DOCK8: variants seen among roughly 807,000 people sequenced by gnomAD.
DOCK8 encodes the protein dedicator of cytokinesis protein 8.
Under a neutral mutation model 245.6 loss-of-function variants are expected in DOCK8, and 141 were observed. The ratio of observed to expected loss-of-function variants is 0.57; its 90% CI spans 0.50 to 0.66. DOCK8 has a LOEUF of 0.66. Ranked by LOEUF, DOCK8 falls within the 30% of genes least tolerant of loss-of-function variation. The probability of loss-of-function intolerance (pLI) is 0.00; values close to 1 mark genes in which losing one functional copy is unlikely to be tolerated. For synonymous variants in DOCK8, 1,168 were observed against 970.2 expected, an observed-to-expected ratio of 1.20 and a Z score of -3.79; for missense variants, 2,965 against 2,603.4, an observed-to-expected ratio of 1.14 and a Z score of -3.02.
intron 14 of DOCK8, among the ~76,000 whole-genome samples, chr9:341,055 T>A (rs1051483921): frequency 3.3e-5 from 5 of 152,234 alleles, no homozygotes; most frequent in African/African-American, 1.2e-4. Context: ...TAGCACACAT[T>A]CCAATAGCAT....
rs989206372 is a variant in DOCK8, at chr9:231,069, A to C, written c.53+16040A>C. ...TTAAGTCTTTAATCCATCTTGAATT[A>C]CTTTTTGTATAAGGTGTAAGGAAGG... On this transcript the variant is annotated intron_variant, in intron 1 of 47. Transcript: ENST00000432829. 2.4e-3 allele frequency among the ~76,000 whole-genome samples: 366 copies of C among 152,202 alleles called. 2 individuals carry two copies. Among genetic ancestry groups the C allele is most frequent in the African/African-American group, 8.3e-3 (344 of 41,514 alleles).
intron 19 of DOCK8, 85 bp from the exon 20 acceptor site, chr9:376,891 TA>T: frequency 8.3e-7 from 1 of 1,205,482 alleles, no homozygotes; most frequent in South Asian, 1.3e-5. Flanking sequence ...GTTCTACCCA[TA>T]AAGAGCTATT....
At chr9:307,513 C>G (rs563089926) in intron 5 of DOCK8, among the ~76,000 whole-genome samples, 2 of 151,994 alleles carry the variant, frequency 1.3e-5, no homozygotes, top group African/African-American at 2.4e-5. Flanking sequence ...CATGCGCCAC[C>G]ACGCCTGGCC....
At chr9:435,285 A>T (rs573665917) in intron 39 of DOCK8, among the ~76,000 whole-genome samples, 5 of 151,462 alleles carry the variant, frequency 3.3e-5, no homozygotes, top group South Asian at 2.1e-4. Flanking sequence ...GGTTTTTTTT[A>T]AATTACTGTT....
At chr9:352,336 C>A (rs897796191) in intron 14 of DOCK8, among the ~76,000 whole-genome samples, 7 of 152,014 alleles carry the variant, frequency 4.6e-5, no homozygotes, top group Non-Finnish European at 7.4e-5. Context: ...ACAAAAGAGC[C>A]CAGAGAGAAT....
At chr9:344,237 T>C (rs190425288) in intron 14 of DOCK8, among the ~76,000 whole-genome samples, 1 of 152,346 alleles carries the variant, frequency 6.6e-6, no homozygotes, top group Non-Finnish European at 1.5e-5. Context: ...TTCTTCTCTG[T>C]GGCTCTCAGG....
rs199608962 is a variant in DOCK8, at chr9:356,378, A to C, written c.1680-11640A>C. On this transcript the variant is annotated intron_variant, in intron 14 of 47. Coordinates refer to ENST00000432829, the MANE Select transcript of DOCK8 (RefSeq NM_203447.4). Reference sequence around the variant, plus strand: ...CCCGTCTCTACTAAAAATACAAAAAAAACTAGCCAGGCGTGGTAGCAGGCG... The same window carrying C: ...CCCGTCTCTACTAAAAATACAAAAACAACTAGCCAGGCGTGGTAGCAGGCG... Among the ~76,000 whole-genome samples, 13 of 152,190 alleles carry C rather than the reference A, an allele frequency of 8.5e-5. No homozygotes were observed. The East Asian group carries it at 1.7e-3, about 20-fold the overall frequency.
rs1339010546 is a variant in DOCK8, at chr9:379,805, G to A, written c.2475G>A (p.Val825=). The A allele has an allele frequency of 6.2e-7, 1 of 1,614,188 alleles. No homozygotes were observed. Among genetic ancestry groups the A allele is most frequent in the East Asian group, 2.2e-5 (1 of 44,878 alleles). The change falls in exon 21 of 48, where the codon GTG becomes GTA. Residue 825 remains valine (V), a synonymous_variant. Transcript: ENST00000432829. ...CCCAGTTTGCCTTCGAGTCCGTGGT[G>A]GCCATCGCCAACAGTCTGCACAACA... The part of the protein sequence containing the change: ...NFSQFAFESV[V]AIANSLHNSK...
intron 1 of DOCK8, among the ~76,000 whole-genome samples, chr9:224,779 C>A (rs575730594): frequency 4.6e-5 from 7 of 152,158 alleles, no homozygotes; most frequent in Admixed American, 4.6e-4. Flanking sequence ...AGTCATCATA[C>A]GGCATTTATA....
intron 14 of DOCK8, among the ~76,000 whole-genome samples, chr9:361,553 T>C (rs2052731327): frequency 6.6e-6 from 1 of 152,186 alleles, no homozygotes; most frequent in South Asian, 2.1e-4. Flanking sequence ...TTGTAGAGCA[T>C]TTTGCAATTT....
intron 36 of DOCK8, among the ~76,000 whole-genome samples, chr9:431,868 T>C (rs577840932): frequency 6.6e-5 from 10 of 152,308 alleles, no homozygotes; most frequent in Admixed American, 6.5e-5. Context: ...ACTGTATTCT[T>C]GGACCCAACT....
At chr9:377,324 G>A in intron 20 of DOCK8, 113 bp downstream of exon 20, 1 of 1,078,410 alleles carries the variant, frequency 9.3e-7, no homozygotes, top group Non-Finnish European at 1.3e-6. Context: ...CCTTTCCACT[G>A]ATGATGTGTG....
intron 28 of DOCK8, among the ~76,000 whole-genome samples, chr9:411,906 C>G (rs1206831645): frequency 2.6e-5 from 4 of 152,148 alleles, no homozygotes; most frequent in Non-Finnish European, 4.4e-5. Flanking sequence ...TAAAAACACT[C>G]AACAAACCTT....
At chr9:264,754 A>G (rs2047998183) in intron 1 of DOCK8, among the ~76,000 whole-genome samples, 1 of 152,218 alleles carries the variant, frequency 6.6e-6, no homozygotes, top group Non-Finnish European at 1.5e-5. Context: ...CCAAGAATGC[A>G]TCTCAGAAAA....
chr9:418,036 A>C, intron 29 of DOCK8, 32 bp from the exon 30 acceptor site: 1 of 1,614,026 alleles, frequency 6.2e-7, no homozygotes, highest in South Asian at 1.1e-5. Context: ...GTCATGTTTG[A>C]CTTGACATCA....
At chr9:450,292 A>G (rs1230621676) in intron 45 of DOCK8, among the ~76,000 whole-genome samples, 1 of 152,076 alleles carries the variant, frequency 6.6e-6, no homozygotes. Flanking sequence ...AGGGCTTGAG[A>G]CTCACCTACA....
chr9:328,093 A>G lies in DOCK8; in HGVS notation c.966A>G (p.Ser322=), dbSNP rs146744703. The G allele has an allele frequency of 1.9e-6, 3 of 1,614,074 alleles. No individual in the cohort carries two copies. Among genetic ancestry groups the G allele is most frequent in the Non-Finnish European group, 2.5e-6 (3 of 1,180,030 alleles). The part of the protein sequence containing the change: ...FKGFLRAHTP[S]VAASSQARSA... ...GATTTCTGCGAGCTCACACGCCTTC[A>G]GTGGCCGCATCAAGTCAGGCGAGAT... is the stretch of plus-strand genomic sequence containing the variant. Residue 322 remains serine (S), a synonymous_variant, in exon 9 of 48, where the codon TCA becomes TCG. Transcript: ENST00000432829.
chr9:367,094 A>G (rs1379306107), intron 14 of DOCK8, among the ~76,000 whole-genome samples: 1 of 152,238 alleles, frequency 6.6e-6, no homozygotes, highest in Non-Finnish European at 1.5e-5. Flanking sequence ...GATGACAATG[A>G]TAATAGTACC....
intron 28 of DOCK8, among the ~76,000 whole-genome samples, chr9:408,650 T>C (rs1226417921): frequency 6.6e-6 from 1 of 152,248 alleles, no homozygotes; most frequent in Non-Finnish European, 1.5e-5. Flanking sequence ...AGTTGTCCTT[T>C]AATAGCAGTA....
Sources: gnomAD v4.1 joint callset for allele counts (sites outside exome capture counted in the v4.1 genomes callset) on GRCh38, gnomAD v4.1.1 for gene constraint, MANE v1.5 for transcripts, NCBI Gene and HGNC (gene_info 2026-07-23, HGNC 2026-07-21) for gene names.